INPP4B: variants seen among roughly 807,000 people sequenced by gnomAD.
INPP4B encodes inositol polyphosphate-4-phosphatase type II B.
A neutral mutation model predicts 122.5 loss-of-function variants in INPP4B; 55 were observed. The ratio of observed to expected loss-of-function variants is 0.45; its 90% CI spans 0.36 to 0.56. The LOEUF (loss-of-function observed/expected upper bound fraction) is 0.56, where lower values mean the gene tolerates loss of function less well. Ranked by LOEUF, INPP4B falls within the 20% of genes least tolerant of loss-of-function variation. The pLI is 0.00. For synonymous variants in INPP4B, 403 were observed against 388.7 expected (o/e 1.04, Z -0.43); for missense variants, 1,000 against 1,097.7 (o/e 0.91, Z 1.26).
intron 2 of INPP4B, among the ~76,000 whole-genome samples, chr4:142,487,068 T>C (rs1821291998): frequency 6.6e-6 from 1 of 152,156 alleles, no homozygotes; most frequent in African/African-American, 2.4e-5. Context: ...GGTGGGTCTT[T>C]CCTGTGATAT....
intron 1 of INPP4B, among the ~76,000 whole-genome samples, chr4:142,783,593 TC>T (rs879505394): frequency 3.9e-5 from 6 of 152,168 alleles, no homozygotes; most frequent in Non-Finnish European, 5.9e-5. Flanking sequence ...CTTTTATGTA[TC>T]CCTTGTGGAA....
intron 2 of INPP4B, among the ~76,000 whole-genome samples, chr4:142,474,703 C>T (rs948047694): frequency 1.3e-5 from 2 of 152,176 alleles, no homozygotes; most frequent in Non-Finnish European, 2.9e-5. Flanking sequence ...GCTTCCAGCC[C>T]GGCAGTCCCA....
At chr4:142,030,433 T>C (rs758695949) in intron 25 of INPP4B, 35 of 787,178 alleles carry the variant, frequency 4.4e-5, no homozygotes, top group Non-Finnish European at 6.2e-5. Flanking sequence ...AGATGAAATC[T>C]TATGGTAAAT....
chr4:142,688,764 T>A (rs1174461974), intron 2 of INPP4B, among the ~76,000 whole-genome samples: 1 of 152,146 alleles, frequency 6.6e-6, no homozygotes, highest in African/African-American at 2.4e-5. Context: ...GAAATTATGG[T>A]TTAGGACTCA....
At chr4:142,553,862 G>A (rs1431817332) in intron 2 of INPP4B, among the ~76,000 whole-genome samples, 1 of 152,112 alleles carries the variant, frequency 6.6e-6, no homozygotes, top group Admixed American at 6.5e-5. Flanking sequence ...ATTTCTCAAT[G>A]AATGGCTGCA....
intron 1 of INPP4B, among the ~76,000 whole-genome samples, chr4:142,830,427 A>G (rs75169328): frequency 0.016 from 2,502 of 152,246 alleles, 57 homozygotes; most frequent in African/African-American, 0.057. Context: ...TGAAATGGAA[A>G]GGTATAGAAA....
intron 2 of INPP4B, among the ~76,000 whole-genome samples, chr4:142,657,222 C>T (rs909611127): frequency 5.9e-5 from 9 of 152,174 alleles, no homozygotes; most frequent in Admixed American, 3.3e-4. Flanking sequence ...AAGATAAAAG[C>T]TGTGGTATCC....
intron 1 of INPP4B, among the ~76,000 whole-genome samples, chr4:142,816,302 T>C (rs542916915): frequency 1.3e-5 from 2 of 152,312 alleles, no homozygotes; most frequent in East Asian, 3.9e-4. Context: ...TAATTTCCAT[T>C]TCGTAAGAAA....
chr4:142,587,952 T>C (rs1477596411), intron 2 of INPP4B, among the ~76,000 whole-genome samples: 3 of 151,946 alleles, frequency 2.0e-5, no homozygotes, highest in Non-Finnish European at 2.9e-5. Context: ...ATATATAGAA[T>C]ATCATATCTA....
chr4:142,172,600 A>G (rs1826135451), intron 16 of INPP4B, among the ~76,000 whole-genome samples: 1 of 151,902 alleles, frequency 6.6e-6, no homozygotes, highest in Non-Finnish European at 1.5e-5. Flanking sequence ...GATATTAACT[A>G]TTTTTTCATG....
At chr4:142,054,590 A>T (rs1045281283) in intron 25 of INPP4B, among the ~76,000 whole-genome samples, 1 of 150,692 alleles carries the variant, frequency 6.6e-6, no homozygotes, top group Non-Finnish European at 1.5e-5. Flanking sequence ...AGAGGGTCCC[A>T]TTTTTTTTTC....
intron 12 of INPP4B, 109 bp downstream of exon 12, chr4:142,237,755 A>C: frequency 1.7e-6 from 1 of 572,870 alleles, no homozygotes; most frequent in Non-Finnish European, 2.9e-6. Context: ...CTATTTCACA[A>C]TGCATACATA....
chr4:142,085,399 A>T (rs951948800), intron 24 of INPP4B, among the ~76,000 whole-genome samples: 1 of 152,222 alleles, frequency 6.6e-6, no homozygotes. Flanking sequence ...TATCATAAAG[A>T]TCTTTAACAT....
At chr4:142,594,942 G>A (rs1047434199) in intron 2 of INPP4B, among the ~76,000 whole-genome samples, 5 of 129,420 alleles carry the variant, frequency 3.9e-5, no homozygotes, top group African/African-American at 1.5e-4. Context: ...GCGACAGGGT[G>A]AGACTCTGTC....
chr4:142,623,861 T>A (rs980658147), intron 2 of INPP4B, among the ~76,000 whole-genome samples: 1 of 152,038 alleles, frequency 6.6e-6, no homozygotes, highest in Admixed American at 6.6e-5. Flanking sequence ...GAATGATGAT[T>A]TCCAGTTTCA....
intron 7 of INPP4B, among the ~76,000 whole-genome samples, chr4:142,327,068 A>G (rs1041910949): frequency 2.6e-5 from 4 of 152,200 alleles, no homozygotes; most frequent in Non-Finnish European, 5.9e-5. Flanking sequence ...GCAAATATCT[A>G]TTAGCCTCAG....
chr4:142,422,704 T>C (rs1580011618), intron 5 of INPP4B, among the ~76,000 whole-genome samples: 2 of 152,144 alleles, frequency 1.3e-5, no homozygotes, highest in South Asian at 2.1e-4. Context: ...TCCTAGCTAC[T>C]TGGGAGGCTG....
rs772408904 is a variant in INPP4B, at chr4:142,108,181, A to G, written c.2286T>C (p.Asp762=). ...GATTAATACTTTCTTGCAAAGAGAC[A>G]TCTCCAAACCTACAAACAGAAAAAA... The part of the protein sequence containing the change: ...EQQTLAERFG[D]VSLQESINQE... Residue 762 remains aspartate (D), a synonymous_variant, in exon 23 of 26, where the codon GAT becomes GAC. Transcript: ENST00000262992. 6.3e-7 allele frequency: 1 copy of G among 1,585,992 alleles called. No individual in the cohort carries two copies. Among genetic ancestry groups the G allele is most frequent in the South Asian group, 1.1e-5 (1 of 89,940 alleles).
chr4:142,561,060 A>G (rs1192165313), intron 2 of INPP4B, among the ~76,000 whole-genome samples: 1 of 152,240 alleles, frequency 6.6e-6, no homozygotes, highest in Non-Finnish European at 1.5e-5. Context: ...TTCCCCAAAA[A>G]AGTATTTAAT....
Sources: gnomAD v4.1 joint callset for allele counts (sites outside exome capture counted in the v4.1 genomes callset) on GRCh38, gnomAD v4.1.1 for gene constraint, MANE v1.5 for transcripts, NCBI Gene and HGNC (gene_info 2026-07-23, HGNC 2026-07-21) for gene names.